Variants in TPPP2 observed in about 807,000 individuals in gnomAD.
The protein encoded by TPPP2 is tubulin polymerization promoting protein family member 2, also known as tubulin polymerization-promoting protein family member 2.
TPPP2 carries 8 observed loss-of-function variants against 13.0 expected under a neutral mutation model. The observed-to-expected ratio is 0.62, with a 90% confidence interval of 0.36 to 1.11. The LOEUF (loss-of-function observed/expected upper bound fraction) is 1.11. TPPP2 is among the 50% of genes most tolerant of loss of function. The pLI, the probability that TPPP2 is intolerant of heterozygous loss-of-function variation, is 0.02. For synonymous variants in TPPP2, 81 were observed against 81.8 expected (o/e 0.99, Z 0.05); for missense variants, 213 against 216.9 (o/e 0.98, Z 0.11).
chr14:21,033,841 C>A, downstream of TPPP2: 1 of 1,612,178 alleles, frequency 6.2e-7, no homozygotes, highest in Non-Finnish European at 8.5e-7. Context: ...TAGAGACCAG[C>A]GATACCTATT....
upstream of TPPP2, chr14:21,025,375 G>C (rs1038500863): frequency 2.2e-5 from 22 of 985,554 alleles, no homozygotes; most frequent in Non-Finnish European, 2.5e-5. This position sits in a 1 kb window ranked among gnomAD's most constrained non-coding sequence, Gnocchi z 5.1. Context: ...GCTGCCCTCA[G>C]CACCGCCCCA....
chr14:21,027,340 A>G (rs1883760265), upstream of TPPP2, among the ~76,000 whole-genome samples: 1 of 152,228 alleles, frequency 6.6e-6, no homozygotes, highest in Non-Finnish European at 1.5e-5. Flanking sequence ...AGTTTTAAGT[A>G]TCTGTTATGT....
upstream of TPPP2, among the ~76,000 whole-genome samples, chr14:21,027,065 G>A (rs1883731537): frequency 3.3e-5 from 5 of 152,176 alleles, no homozygotes; most frequent in Admixed American, 3.3e-4. Context: ...ATGACTCAGG[G>A]GGAACCTGAT....
chr14:21,030,271 G>A lies in TPPP2; in HGVS notation c.-103G>A, dbSNP rs571397050. 6.8e-5 allele frequency: 21 copies of A among 310,000 alleles called. No homozygotes were observed. Among genetic ancestry groups the A allele is most frequent in the African/African-American group, 1.3e-4 (6 of 47,260 alleles). 19.2% of individuals were successfully genotyped at this position (310,000 alleles called of 1,614,324 possible). On this transcript the variant is annotated 5_prime_UTR_variant, in exon 1 of 4. Coordinates refer to ENST00000321760, the MANE Select transcript of TPPP2 (RefSeq NM_173846.5). ...CTGCACACACTTAAATACAAAGGCC[G>A]GGAAGGGTCAGACCACCATCCGGGT...
In TPPP2 at chr14:21,032,735, C is replaced by T. The variant is rs1022409865; in HGVS notation, c.*658C>T. 6 of 363,650 alleles carry T rather than the reference C, an allele frequency of 1.6e-5. No homozygotes were observed. Among genetic ancestry groups the T allele is most frequent in the Non-Finnish European group, 2.7e-5 (5 of 187,540 alleles). 22.5% of individuals were successfully genotyped at this position (363,650 alleles called of 1,614,324 possible). On this transcript the variant is annotated 3_prime_UTR_variant, in exon 4 of 4. Transcript: ENST00000321760. The stretch of plus-strand genomic sequence containing the variant: ...GCTAAGGGTAGCTCAGGAAGATGGC[C>T]AGATGAGGCAGGCTGCCAGGATTCC...
chr14:21,030,974 A>G, intron 2 of TPPP2, 38 bp from the exon 3 acceptor site: 1 of 1,577,238 alleles, frequency 6.3e-7, no homozygotes, highest in Non-Finnish European at 8.6e-7. Context: ...TAATGCATTC[A>G]TGCTCCAAAG....
At chr14:21,024,445 T>G in intron 1 of TPPP2, 1 of 940,416 alleles carries the variant, frequency 1.1e-6, no homozygotes, top group Non-Finnish European at 1.3e-6. Context: ...GCCTCAATTT[T>G]CTATCTGCAG....
Position 21,025,212 on chromosome 14 carries a change from A to G in TPPP2, n.236+868A>G. On this transcript the variant is annotated intron_variant and non_coding_transcript_variant, in intron 1 of 1. Transcript: ENST00000533755. This position sits in a 1 kb window ranked among gnomAD's most constrained non-coding sequence, Gnocchi z 5.1. ...TTTCACCCCGCCCAGACTGCCGCTC[A>G]GGAAAGGGTTGTGCTGGGGCCGGGG... is the stretch of plus-strand genomic sequence containing the variant. 1 of 860,872 alleles carries G rather than the reference A, an allele frequency of 1.2e-6. No individual in the cohort carries two copies. Among genetic ancestry groups the G allele is most frequent in the Non-Finnish European group, 1.4e-6 (1 of 716,420 alleles). The allele number at this position is 860,872 out of a possible 1,614,324, so 53.3% of individuals were successfully genotyped here.
At chr14:21,024,564 C>T in intron 1 of TPPP2, 1 of 985,452 alleles carries the variant, frequency 1.0e-6, no homozygotes, top group Non-Finnish European at 1.2e-6. Flanking sequence ...AAAACAAACA[C>T]AAAGATTGGT....
At chr14:21,033,985 G>T (rs533949543), downstream of TPPP2, 1 of 1,613,968 alleles carries the variant, frequency 6.2e-7, no homozygotes, top group Admixed American at 1.7e-5. Context: ...TCCTGGGTGA[G>T]TGTGCAGTAT....
chr14:21,029,594 A>T (rs1001553627), upstream of TPPP2, among the ~76,000 whole-genome samples: 1 of 152,212 alleles, frequency 6.6e-6, no homozygotes, highest in African/African-American at 2.4e-5. Context: ...GCGAGACTCC[A>T]TCTCAAAATA....
chr14:21,032,190 G>A lies in TPPP2; in HGVS notation c.*113G>A. The stretch of plus-strand genomic sequence containing the variant: ...AGCAGCCAAAATCTCTGTCTGTGAG[G>A]GACAGATGAGCCTACTAGTGTAGAG... On this transcript the variant is annotated 3_prime_UTR_variant, in exon 4 of 4. Coordinates refer to ENST00000321760, the MANE Select transcript of TPPP2 (RefSeq NM_173846.5). 8.3e-6 allele frequency: 9 copies of A among 1,088,200 alleles called. No individual in the cohort carries two copies. The highest frequency in any genetic ancestry group is 1.2e-5 in the Non-Finnish European group (9 of 721,082). 67.4% of individuals were successfully genotyped at this position (1,088,200 alleles called of 1,614,324 possible). A position where few individuals can be genotyped will look rare whatever the true frequency, so the allele number is the denominator to read the frequency against.
At chr14:21,035,523 T>C (rs999091638), downstream of TPPP2, among the ~76,000 whole-genome samples, 5 of 152,212 alleles carry the variant, frequency 3.3e-5, no homozygotes, top group Non-Finnish European at 5.9e-5. Context: ...GCCTTGTTAG[T>C]CTGCAAGGTG....
At position 21,032,473 on chromosome 14, in the gene TPPP2, G is replaced by A. The variant is rs778556165; in HGVS notation, c.*396G>A. The A allele has an allele frequency of 5.2e-6, 2 of 387,954 alleles. No homozygotes were observed. Among genetic ancestry groups the A allele is most frequent in the Non-Finnish European group, 1.0e-5 (2 of 196,624 alleles). The allele number at this position is 387,954 out of a possible 1,614,324, so 24.0% of individuals were successfully genotyped here. A position where few individuals can be genotyped will look rare whatever the true frequency, so the allele number is the denominator to read the frequency against. On this transcript the variant is annotated 3_prime_UTR_variant, in exon 4 of 4. Transcript: ENST00000321760. Reference sequence around the variant, plus strand: ...GGGTGTAGCAATTCCTCACGTGATGGACTATGACTATATCACATATTAGAT... The same window carrying A: ...GGGTGTAGCAATTCCTCACGTGATGAACTATGACTATATCACATATTAGAT...
Position 21,025,042 on chromosome 14 carries a change from G to C in TPPP2, n.236+698G>C. 1.6e-5 allele frequency: 16 copies of C among 985,790 alleles called. No individual in the cohort carries two copies. The highest frequency in any genetic ancestry group is 1.8e-5 in the Non-Finnish European group (15 of 830,366). The allele number at this position is 985,790 out of a possible 1,614,324, so 61.1% of individuals were successfully genotyped here. ...CCCTCCCCCTACCTGCTGCCGCCGC[G>C]GCCGCTTCCACCTTCACTTGCCTTT... On this transcript the variant is annotated intron_variant and non_coding_transcript_variant, in intron 1 of 1. Coordinates refer to the TPPP2 transcript ENST00000533755. The surrounding 1 kb of genome is among the most constrained non-coding windows in gnomAD (Gnocchi z 5.1).
At chr14:21,033,063 G>A (rs933438610), downstream of TPPP2, 1 of 449,790 alleles carries the variant, frequency 2.2e-6, no homozygotes, top group African/African-American at 2.0e-5. Context: ...AGGGAAGCAG[G>A]AACCTCTGGG....
chr14:21,029,033 C>T (rs1883885081), upstream of TPPP2: 1 of 152,216 alleles, frequency 6.6e-6, no homozygotes, highest in African/African-American at 2.4e-5. Context: ...TGCATAGAAA[C>T]TTATCTGAAG....
chr14:21,030,612 C>T lies in TPPP2; in HGVS notation c.31C>T (p.Arg11Trp), dbSNP rs139355625. 1.1e-4 allele frequency: 173 copies of T among 1,613,894 alleles called. 1 individual carries two copies. The highest frequency in any genetic ancestry group is 9.6e-4 in the African/African-American group (72 of 75,022). The change falls in exon 2 of 4, where the codon CGG becomes TGG. Residue 11 changes from arginine (R) to tryptophan (W), a missense_variant. Arg to Trp is a moderately radical substitution (Grantham distance 101). Coordinates refer to ENST00000321760, the MANE Select transcript of TPPP2 (RefSeq NM_173846.5). ...ATCAGAGGCAGAAAAAACATTCCATCGGTTTGCTGCGTTTGGAGAATCATC... is the reference window on the plus strand; with the variant it reads ...ATCAGAGGCAGAAAAAACATTCCATTGGTTTGCTGCGTTTGGAGAATCATC... MASEAEKTFH[R>W]FAAFGESSSS...
chr14:21,027,519 C>T (rs1189481787), upstream of TPPP2, among the ~76,000 whole-genome samples: 1 of 152,184 alleles, frequency 6.6e-6, no homozygotes, highest in African/African-American at 2.4e-5. Context: ...AGTAGTTTCC[C>T]ACCCTTCTCA....
Sources: allele counts gnomAD v4.1 joint callset (sites outside exome capture counted in the v4.1 genomes callset), GRCh38; gene constraint gnomAD v4.1.1; non-coding constraint Gnocchi (gnomAD v3.1); transcripts MANE v1.5; gene names NCBI Gene and HGNC (gene_info 2026-07-23, HGNC 2026-07-21).